IMP4: variants seen among roughly 807,000 people sequenced by gnomAD.
The protein encoded by IMP4 is IMP U3 small nucleolar ribonucleoprotein 4.
IMP4 carries 30 observed loss-of-function variants against 42.7 expected under a neutral mutation model. The observed-to-expected ratio is 0.70, with a 90% CI of 0.53 to 0.95. IMP4 has a LOEUF of 0.95. IMP4 is among the 40% of genes least tolerant of loss of function. The pLI is 0.00. For synonymous variants in IMP4, 165 were observed against 165.2 expected (o/e 1.00, Z 0.01); for missense variants, 382 against 411.4 (o/e 0.93, Z 0.62).
At position 130,345,691 on chromosome 2, in the gene IMP4, G is replaced by T. The variant is rs1317695562; in HGVS notation, c.431G>T (p.Gly144Val). The T allele has an allele frequency of 6.2e-7, 1 of 1,613,764 alleles. No individual in the cohort carries two copies. The highest frequency in any genetic ancestry group is 2.2e-5 in the East Asian group (1 of 44,868). The part of the protein sequence containing the change: ...TDLLVVHEHR[G>V]TPVGLIVSHL... ...CTGCTGGTCGTTCACGAGCATCGGG[G>T]CACACCTGGTAAGGCCGGAGGGAGG... The change falls in exon 5 of 9, where the codon GGC becomes GTC. Residue 144 changes from glycine to valine, a missense_variant. Physicochemically the swap from Gly to Val is moderately radical, Grantham distance 109. Coordinates refer to ENST00000259239, the MANE Select transcript of IMP4 (RefSeq NM_033416.3). The surrounding 1 kb of genome is among the most constrained non-coding windows in gnomAD (Gnocchi z 4.9).
chr2:130,344,653 T>TA lies in IMP4; in HGVS notation c.138dup (p.Arg47ThrfsTer14), dbSNP rs760136572. On this transcript the variant is annotated frameshift_variant, in exon 3 of 9. Transcript: ENST00000259239. LOFTEE classifies it high-confidence loss of function. ...GAAAACCGCCTGATTCCCACTGAGT[T>TA]ACGCCGAGAGGCTCTGGCCTTACAG... is the stretch of plus-strand genomic sequence containing the variant. The TA allele has an allele frequency of 6.2e-7, 1 of 1,614,116 alleles. No individual in the cohort carries two copies. The highest frequency in any genetic ancestry group is 8.5e-7 in the Non-Finnish European group (1 of 1,179,934).
At position 130,346,697 on chromosome 2, in the gene IMP4, A is replaced by G; in HGVS notation, c.*229A>G. The G allele has an allele frequency of 1.7e-6, 1 of 588,454 alleles. No individual in the cohort carries two copies. Among genetic ancestry groups the G allele is most frequent in the Non-Finnish European group, 3.0e-6 (1 of 329,032 alleles). The allele number at this position is 588,454 out of a possible 1,614,324, so 36.5% of individuals were successfully genotyped here. On this transcript the variant is annotated 3_prime_UTR_variant, in exon 9 of 9. Coordinates refer to ENST00000259239, the MANE Select transcript of IMP4 (RefSeq NM_033416.3). ...TGGGATCCCTTTGGGTGGGGACCTGATGGCTGTGGGACGTGCTTGGGCCTG... is the reference window on the plus strand; with the variant it reads ...TGGGATCCCTTTGGGTGGGGACCTGGTGGCTGTGGGACGTGCTTGGGCCTG...
chr2:130,346,452 T>C lies in IMP4; in HGVS notation c.860T>C (p.Phe287Ser). 6.4e-7 allele frequency: 1 copy of C among 1,559,202 alleles called. No individual in the cohort carries two copies. The change falls in exon 9 of 9, where the codon TTC becomes TCC. Residue 287 changes from phenylalanine (F) to serine (S), a missense_variant. Phe to Ser is a radical substitution (Grantham distance 155). Transcript: ENST00000259239. ...PYTNTARKRV[F>S]LSTE is the part of the protein sequence containing the mutation. ...ACCAATACCGCACGCAAGAGAGTCT[T>C]CCTGAGCACCGAGTGAGCACACTCA...
intron 1 of IMP4, 70 bp downstream of exon 1, chr2:130,343,005 T>C (rs915608687): frequency 1.2e-6 from 2 of 1,611,560 alleles, no homozygotes; most frequent in African/African-American, 2.7e-5. Flanking sequence ...TCTGGGGACT[T>C]GGAGGCTCAG....
chr2:130,346,219 G>A lies in IMP4; in HGVS notation c.708G>A (p.Lys236=), dbSNP rs748651066. The change falls in exon 8 of 9, where the codon AAG becomes AAA. Residue 236 remains lysine (K), a synonymous_variant. Transcript: ENST00000259239. ...CTCCCAGGCACCATGTGTATAAGAA[G>A]ACAGACCACCGCAACGTGGAGCTCA... The part of the protein sequence containing the change: ...YISFRHHVYK[K]TDHRNVELTE... 23 of 1,614,012 alleles carry A rather than the reference G, an allele frequency of 1.4e-5. No homozygotes were observed. Among genetic ancestry groups the A allele is most frequent in the Middle Eastern group, 1.6e-4 (1 of 6,084 alleles).
intron 2 of IMP4, 104 bp downstream of exon 2, chr2:130,343,298 T>C (rs1324784791): frequency 1.2e-5 from 10 of 823,748 alleles, no homozygotes; most frequent in Non-Finnish European, 2.1e-5. Context: ...CCGTTTTCCT[T>C]GCCCATTGGG....
chr2:130,346,752 G>T lies in IMP4; in HGVS notation c.*284G>T. 2 of 501,058 alleles carry T rather than the reference G, an allele frequency of 4.0e-6. No individual in the cohort carries two copies. The highest frequency in any genetic ancestry group is 7.3e-6 in the Non-Finnish European group (2 of 273,966). The allele number at this position is 501,058 out of a possible 1,614,324, so 31.0% of individuals were successfully genotyped here. A position where few individuals can be genotyped will look rare whatever the true frequency, so the allele number is the denominator to read the frequency against. On this transcript the variant is annotated 3_prime_UTR_variant, in exon 9 of 9. Transcript: ENST00000259239. Reference sequence around the variant, plus strand: ...CAGTGTGGGGGTTAACAGAGAGAGAGATTTGATGCTAACGTCCCCTCAAGA... The same window carrying T: ...CAGTGTGGGGGTTAACAGAGAGAGATATTTGATGCTAACGTCCCCTCAAGA...
rs368928180 is a variant in IMP4 at position 130,344,672 on chromosome 2, C to T, written c.156C>T (p.Ala52=). The change falls in exon 3 of 9, where the codon GCC becomes GCT. Residue 52 remains alanine (A), a synonymous_variant. Coordinates refer to ENST00000259239, the MANE Select transcript of IMP4 (RefSeq NM_033416.3). ...IPTELRREAL[A]LQGSLEFDDA... ...CTGAGTTACGCCGAGAGGCTCTGGC[C>T]TTACAGGGGTCCCTGGAGTTTGATG... is the stretch of plus-strand genomic sequence containing the variant. 58 of 1,613,986 alleles carry T rather than the reference C, an allele frequency of 3.6e-5. No individual in the cohort carries two copies. The highest frequency in any genetic ancestry group is 4.8e-5 in the Non-Finnish European group (57 of 1,179,936).
At position 130,347,352 on chromosome 2, in the gene IMP4, G is replaced by A. The variant is rs1679656120; in HGVS notation, c.*884G>A. The A allele has an allele frequency of 6.6e-6, 1 of 152,158 alleles. No homozygotes were observed. The highest frequency in any genetic ancestry group is 2.1e-4 in the South Asian group (1 of 4,822). 9.4% of individuals were successfully genotyped at this position (152,158 alleles called of 1,614,324 possible). A position where few individuals can be genotyped will look rare whatever the true frequency, so the allele number is the denominator to read the frequency against. ...TTGTTGCCAACATTCTTTATCTTGT[G>A]TTTTTTAATAACAGCTATCCTAACA... is the stretch of plus-strand genomic sequence containing the variant. On this transcript the variant is annotated 3_prime_UTR_variant, in exon 9 of 9. Transcript: ENST00000259239.
At position 130,346,682 on chromosome 2, in the gene IMP4, T is replaced by G; in HGVS notation, c.*214T>G. On this transcript the variant is annotated 3_prime_UTR_variant, in exon 9 of 9. Coordinates refer to ENST00000259239, the MANE Select transcript of IMP4 (RefSeq NM_033416.3). ...GCAGGGCAAAGCCCATGGGATCCCT[T>G]TGGGTGGGGACCTGATGGCTGTGGG... 3.4e-6 allele frequency: 2 copies of G among 589,702 alleles called. No homozygotes were observed. The highest frequency in any genetic ancestry group is 6.1e-6 in the Non-Finnish European group (2 of 329,614). 36.5% of individuals were successfully genotyped at this position (589,702 alleles called of 1,614,324 possible). A position where few individuals can be genotyped will look rare whatever the true frequency, so the allele number is the denominator to read the frequency against.
Sources: allele counts gnomAD v4.1 joint callset, GRCh38; gene constraint gnomAD v4.1.1; non-coding constraint Gnocchi (gnomAD v3.1); transcripts MANE v1.5; gene names NCBI Gene and HGNC (gene_info 2026-07-23, HGNC 2026-07-21).